PPM1H: variants seen among roughly 807,000 people sequenced by gnomAD.
The protein encoded by PPM1H is protein phosphatase, Mg2+/Mn2+ dependent 1H, also known as protein phosphatase 1H.
PPM1H carries 27 observed loss-of-function variants against 54.9 expected under a neutral mutation model. That is an observed-to-expected ratio of 0.49 (90% CI 0.36 to 0.68). PPM1H has a LOEUF of 0.68. Ranked by LOEUF, PPM1H falls within the 30% of genes least tolerant of loss-of-function variation. The probability of loss-of-function intolerance (pLI) is 0.00; values close to 1 mark genes in which losing one functional copy is unlikely to be tolerated. For missense variants in PPM1H, 596 were observed against 667.8 expected, an observed-to-expected ratio of 0.89 and a Z score of 1.19; for synonymous variants, 305 against 270.8, an observed-to-expected ratio of 1.13 and a Z score of -1.24.
chr12:62,809,972 G>A (rs1034634317), intron 2 of PPM1H, among the ~76,000 whole-genome samples: 4 of 152,016 alleles, frequency 2.6e-5, no homozygotes, highest in African/African-American at 4.8e-5. Context: ...CATCAAGCCT[G>A]CTTGGATCAC....
intron 9 of PPM1H, among the ~76,000 whole-genome samples, chr12:62,656,991 C>T (rs558680343): frequency 1.2e-4 from 18 of 152,088 alleles, no homozygotes; most frequent in African/African-American, 3.1e-4. Context: ...GCTCTGGAAC[C>T]GAGTTCTTAA....
intron 7 of PPM1H, among the ~76,000 whole-genome samples, chr12:62,693,297 T>C (rs139360764): frequency 4.4e-4 from 67 of 152,344 alleles, no homozygotes; most frequent in Admixed American, 3.7e-3. Flanking sequence ...TGCTGGATTC[T>C]GACTGGAACC....
chr12:62,838,020 T>A (rs1280640642), intron 1 of PPM1H, among the ~76,000 whole-genome samples: 1 of 152,160 alleles, frequency 6.6e-6, no homozygotes, highest in East Asian at 1.9e-4. Flanking sequence ...ACATGCTGCT[T>A]CCAGATTCCC....
At chr12:62,855,941 G>A (rs1410042572) in intron 1 of PPM1H, among the ~76,000 whole-genome samples, 3 of 152,218 alleles carry the variant, frequency 2.0e-5, no homozygotes, top group African/African-American at 7.2e-5. Flanking sequence ...GGATGAGACT[G>A]TGTTAAGTGT....
intron 4 of PPM1H, among the ~76,000 whole-genome samples, chr12:62,761,589 T>TGGA (rs2076509578): frequency 6.6e-6 from 1 of 152,030 alleles, no homozygotes. Context: ...AAACACCAGG[T>TGGA]GGAGATAGGC....
At chr12:62,693,318 A>T (rs1231633823) in intron 7 of PPM1H, among the ~76,000 whole-genome samples, 1 of 152,132 alleles carries the variant, frequency 6.6e-6, no homozygotes. Flanking sequence ...CTGGGAGCTG[A>T]TGATGGTCTT....
chr12:62,818,261 TCTC>T (rs2076882402), intron 2 of PPM1H, among the ~76,000 whole-genome samples: 1 of 152,110 alleles, frequency 6.6e-6, no homozygotes, highest in African/African-American at 2.4e-5. Context: ...CCTCCTCTTA[TCTC>T]ATTCCTGGAA....
At chr12:62,656,193 G>A (rs1455197071) in intron 9 of PPM1H, among the ~76,000 whole-genome samples, 1 of 152,200 alleles carries the variant, frequency 6.6e-6, no homozygotes, top group African/African-American at 2.4e-5. Flanking sequence ...AGGGCTCTGG[G>A]TGTAAGCGTG....
intron 3 of PPM1H, among the ~76,000 whole-genome samples, chr12:62,794,175 G>T (rs2076717815): frequency 2.0e-5 from 3 of 152,176 alleles, no homozygotes; most frequent in Admixed American, 6.5e-5. Flanking sequence ...CCGGCTGCTG[G>T]TGGAATCACA....
intron 2 of PPM1H, among the ~76,000 whole-genome samples, chr12:62,829,630 G>T (rs1036929204): frequency 6.6e-6 from 1 of 152,192 alleles, no homozygotes; most frequent in Non-Finnish European, 1.5e-5. Context: ...TGGGGCACCA[G>T]GGTGTCTCCA....
intron 1 of PPM1H, among the ~76,000 whole-genome samples, chr12:62,856,310 C>G (rs932351558): frequency 2.6e-5 from 4 of 152,154 alleles, no homozygotes; most frequent in Non-Finnish European, 5.9e-5. Flanking sequence ...GTGGGGGCCT[C>G]TCTAATGAGC....
chr12:62,683,848 G>A (rs1376571739), intron 8 of PPM1H, among the ~76,000 whole-genome samples: 1 of 152,142 alleles, frequency 6.6e-6, no homozygotes, highest in African/African-American at 2.4e-5. Context: ...CTAGCTCTAC[G>A]GAGGGCCTGT....
chr12:62,683,033 TTTATTATTATTATTATTATTATTATTA>T (rs71086626), intron 8 of PPM1H, among the ~76,000 whole-genome samples: 33 of 133,666 alleles, frequency 2.5e-4, no homozygotes, highest in African/African-American at 5.3e-4. Flanking sequence ...GAGTTTATTA[TTTATTATTATTATTATTATTATTATTA>T]TTATTATTAT....
At chr12:62,925,810 C>T (rs1871954218) in intron 1 of PPM1H, among the ~76,000 whole-genome samples, 1 of 152,166 alleles carries the variant, frequency 6.6e-6, no homozygotes, top group African/African-American at 2.4e-5. Context: ...AGACAGCTCC[C>T]CAAGGTCTGC....
rs34772338 is a variant in PPM1H at position 62,867,564 on chromosome 12, A to ATTTTTTTTTTTTTTTTTTTTTTTT, written c.246-35309_246-35286dup. 1.6e-4 allele frequency among the ~76,000 whole-genome samples: 9 copies of ATTTTTTTTTTTTTTTTTTTTTTTT among 55,372 alleles called. 1 individual carries two copies. Among genetic ancestry groups the ATTTTTTTTTTTTTTTTTTTTTTTT allele is most frequent in the African/African-American group, 4.5e-4 (7 of 15,612 alleles). 36.3% of individuals were successfully genotyped at this position (55,372 alleles called of 152,430 possible). A position where few individuals can be genotyped will look rare whatever the true frequency, so the allele number is the denominator to read the frequency against. On this transcript the variant is annotated intron_variant, in intron 1 of 9. Coordinates refer to ENST00000228705, the MANE Select transcript of PPM1H (RefSeq NM_020700.2). ...TCCTGAAATACATCTTATGAGCACT[A>ATTTTTTTTTTTTTTTTTTTTTTTT]TTTTTTTTTTTTTTTTTTTTTTTTT...
chr12:62,731,776 T>G (rs1186552675), intron 5 of PPM1H, among the ~76,000 whole-genome samples: 2 of 152,252 alleles, frequency 1.3e-5, no homozygotes, highest in Non-Finnish European at 2.9e-5. Context: ...CGACTTAATG[T>G]AATCAAGTCA....
chr12:62,833,560 A>G (rs1868414470), intron 1 of PPM1H, among the ~76,000 whole-genome samples: 1 of 152,092 alleles, frequency 6.6e-6, no homozygotes, highest in Non-Finnish European at 1.5e-5. Context: ...TCTTACATCA[A>G]ATAGCTTTTA....
At chr12:62,658,212 T>TC (rs768288538) in intron 9 of PPM1H, among the ~76,000 whole-genome samples, 2 of 130,538 alleles carry the variant, frequency 1.5e-5, no homozygotes, top group African/African-American at 6.0e-5. Flanking sequence ...TTTTTTTTTT[T>TC]AAGTAAAAAA....
At position 62,867,719 on chromosome 12, in the gene PPM1H, A is replaced by G. The variant is rs11174700; in HGVS notation, c.246-35440T>C. On this transcript the variant is annotated intron_variant, in intron 1 of 9. Transcript: ENST00000228705. The stretch of plus-strand genomic sequence containing the variant: ...CAGCCTCCCAAATAGCTGGGACTAC[A>G]GGTGCCTGCCACCACACCTGGCTAT... Among the ~76,000 whole-genome samples, 964 of 148,886 alleles carry G rather than the reference A, an allele frequency of 6.5e-3. 15 individuals carry two copies. The highest frequency in any genetic ancestry group is 0.03 in the East Asian group (149 of 5,028).
Sources: gnomAD v4.1 joint callset for allele counts (sites outside exome capture counted in the v4.1 genomes callset) on GRCh38, gnomAD v4.1.1 for gene constraint, MANE v1.5 for transcripts, NCBI Gene and HGNC (gene_info 2026-07-23, HGNC 2026-07-21) for gene names.